Variants in ACSS3 observed in about 807,000 individuals in gnomAD.
ACSS3 encodes acyl-CoA synthetase short chain family member 3.
Under a neutral mutation model 84.2 loss-of-function variants are expected in ACSS3, and 64 were observed. That is an observed-to-expected ratio of 0.76 (90% CI 0.62 to 0.94). The LOEUF is 0.94. ACSS3 is among the 40% of genes least tolerant of loss of function. ACSS3 has a pLI of 0.00. For synonymous variants in ACSS3, 317 were observed against 310.1 expected (o/e 1.02, Z -0.23); for missense variants, 815 against 867.6 (o/e 0.94, Z 0.76).
At chr12:81,175,423 A>G (rs972294611) in intron 8 of ACSS3, among the ~76,000 whole-genome samples, 4 of 152,242 alleles carry the variant, frequency 2.6e-5, no homozygotes, top group African/African-American at 7.2e-5. Context: ...ATAGTGGGAG[A>G]CATCAGGACC....
chr12:81,229,312 A>G (rs956416336), intron 11 of ACSS3, among the ~76,000 whole-genome samples: 1 of 151,832 alleles, frequency 6.6e-6, no homozygotes, highest in Non-Finnish European at 1.5e-5. Flanking sequence ...TTTACATACA[A>G]TTTGCTTCAC....
At chr12:81,090,592 A>G (rs930658346) in intron 1 of ACSS3, among the ~76,000 whole-genome samples, 2 of 152,104 alleles carry the variant, frequency 1.3e-5, no homozygotes, top group South Asian at 2.1e-4. Context: ...CATCTATCCA[A>G]TCAGAACCTC....
At chr12:81,199,784 C>T (rs2032017559) in intron 9 of ACSS3, 1 of 844,980 alleles carries the variant, frequency 1.2e-6, no homozygotes, top group South Asian at 1.4e-5. Flanking sequence ...TTCCCCTTGC[C>T]TTTGAGCTCT....
intron 2 of ACSS3, among the ~76,000 whole-genome samples, chr12:81,128,094 T>C (rs1253200012): frequency 6.6e-6 from 1 of 152,182 alleles, no homozygotes; most frequent in Non-Finnish European, 1.5e-5. Context: ...TTATGTTATT[T>C]ATAAACCAAA....
chr12:81,241,680 G>A (rs1333925344), intron 13 of ACSS3, among the ~76,000 whole-genome samples: 1 of 152,088 alleles, frequency 6.6e-6, no homozygotes, highest in Non-Finnish European at 1.5e-5. Context: ...TTTTGATGGG[G>A]TTGTTTGTTT....
In ACSS3 at chr12:81,229,722, G is replaced by A. The variant is rs1024642253; in HGVS notation, c.1515-1335G>A. ...TACAGATTAATTAAAATACCCTTAC[G>A]TGCATTTTATGTAATTACATGAAGT... is the stretch of plus-strand genomic sequence containing the variant. On this transcript the variant is annotated intron_variant, in intron 11 of 15. Transcript: ENST00000548058. 2.6e-5 allele frequency among the ~76,000 whole-genome samples: 4 copies of A among 151,908 alleles called. No individual in the cohort carries two copies. The South Asian group carries it at 8.3e-4, about 31-fold the overall frequency.
At chr12:81,219,048 T>G (rs1203799666) in intron 10 of ACSS3, among the ~76,000 whole-genome samples, 1 of 152,144 alleles carries the variant, frequency 6.6e-6, no homozygotes, top group African/African-American at 2.4e-5. Context: ...ACTTGTCACT[T>G]TGCATACATT....
chr12:81,153,912 T>C (rs1487109167), intron 7 of ACSS3, among the ~76,000 whole-genome samples: 1 of 152,236 alleles, frequency 6.6e-6, no homozygotes, highest in African/African-American at 2.4e-5. Context: ...TTGACACAAG[T>C]ATTAAACCAT....
intron 9 of ACSS3, among the ~76,000 whole-genome samples, chr12:81,212,706 A>T (rs1396276777): frequency 6.6e-6 from 1 of 152,178 alleles, no homozygotes; most frequent in Non-Finnish European, 1.5e-5. Flanking sequence ...AAAAATATGT[A>T]TCTAGTTGTC....
intron 8 of ACSS3, among the ~76,000 whole-genome samples, chr12:81,179,901 G>A (rs2030808162): frequency 2.0e-5 from 3 of 152,136 alleles, no homozygotes. Context: ...TGGTTTTGCA[G>A]GCTGTAAAGG....
rs968384827 is a variant in ACSS3, at chr12:81,261,152, G to A, written c.*6230G>A. 4.6e-5 allele frequency: 7 copies of A among 152,086 alleles called. No homozygotes were observed. The highest frequency in any genetic ancestry group is 1.7e-4 in the African/African-American group (7 of 41,418). The allele number at this position is 152,086 out of a possible 1,614,324, so 9.4% of individuals were successfully genotyped here. ...TACTTAAAATTTATATTTGTTTTTA[G>A]CAAGTGTAAATCAGATTGATAAGAA... is the stretch of plus-strand genomic sequence containing the variant. On this transcript the variant is annotated 3_prime_UTR_variant, in exon 16 of 16. Coordinates refer to ENST00000548058, the MANE Select transcript of ACSS3 (RefSeq NM_024560.4).
At chr12:81,156,659 A>G (rs139752732) in intron 7 of ACSS3, among the ~76,000 whole-genome samples, 302 of 152,298 alleles carry the variant, frequency 2.0e-3, no homozygotes, top group African/African-American at 6.9e-3. Context: ...GGGGAATACT[A>G]TGAGAAATTC....
intron 11 of ACSS3, 52 bp downstream of exon 11, chr12:81,220,128 T>C: frequency 8.3e-7 from 1 of 1,202,882 alleles, no homozygotes; most frequent in Non-Finnish European, 1.1e-6. Context: ...CTGGTGTATA[T>C]ACTAAGAAAA....
Position 81,199,383 on chromosome 12 carries a change from G to A in ACSS3, c.1293G>A (p.Glu431=), listed in dbSNP as rs1461014054. 1.9e-6 allele frequency: 3 copies of A among 1,613,538 alleles called. No individual in the cohort carries two copies. The African/African-American group carries it at 4.0e-5, about 22-fold the overall frequency. Residue 431 remains glutamate, a synonymous_variant, in exon 9 of 16, where the codon GAG becomes GAA. Coordinates refer to ENST00000548058, the MANE Select transcript of ACSS3 (RefSeq NM_024560.4). ...TGGCTGGAGAACGATGTGATGTAGAGACCCTGGAATGGTCCAAAAATGTCT... is the reference window on the plus strand; with the variant it reads ...TGGCTGGAGAACGATGTGATGTAGAAACCCTGGAATGGTCCAAAAATGTCT... ...LFVAGERCDV[E]TLEWSKNVFR...
chr12:81,140,807 A>T (rs987409271), intron 4 of ACSS3, among the ~76,000 whole-genome samples: 1 of 152,202 alleles, frequency 6.6e-6, no homozygotes, highest in Non-Finnish European at 1.5e-5. Flanking sequence ...ATGTGAGTAT[A>T]TGTGTGCTGT....
chr12:81,168,739 T>G (rs927275577), intron 7 of ACSS3, among the ~76,000 whole-genome samples: 32 of 152,158 alleles, frequency 2.1e-4, no homozygotes, highest in African/African-American at 7.5e-4. Flanking sequence ...CCCAGTAATT[T>G]CCCCTGTATA....
At chr12:81,087,453 A>G (rs1195825501) in intron 1 of ACSS3, among the ~76,000 whole-genome samples, 1 of 152,026 alleles carries the variant, frequency 6.6e-6, no homozygotes, top group Non-Finnish European at 1.5e-5. Context: ...AAGAAGAAGA[A>G]AAGAAGGAGG....
chr12:81,143,243 C>T lies in ACSS3; in HGVS notation c.917C>T (p.Pro306Leu). The T allele has an allele frequency of 1.9e-6, 3 of 1,590,092 alleles. No homozygotes were observed. The highest frequency in any genetic ancestry group is 2.6e-6 in the Non-Finnish European group (3 of 1,163,786). ...TACACATCTGGCACAACGGGGTTAC[C>T]TAAGGTACTCACTCTCTTAGAGATA... Reference protein sequence around the residue: ...ILYTSGTTGLPKGVIRPTGGY... With the variant: ...ILYTSGTTGLLKGVIRPTGGY... Residue 306 changes from proline to leucine, a missense_variant, in exon 5 of 16, where the codon CCT becomes CTT. Transcript: ENST00000548058.
intron 1 of ACSS3, among the ~76,000 whole-genome samples, chr12:81,092,369 A>G (rs982910373): frequency 2.0e-5 from 3 of 152,126 alleles, no homozygotes; most frequent in East Asian, 1.9e-4. Context: ...TTCCTGTTCA[A>G]TAAAAGAAGA....
Sources: allele counts gnomAD v4.1 joint callset (sites outside exome capture counted in the v4.1 genomes callset), GRCh38; gene constraint gnomAD v4.1.1; transcripts MANE v1.5; gene names NCBI Gene and HGNC (gene_info 2026-07-23, HGNC 2026-07-21).